The following NRDC variants were observed in gnomAD, a reference collection of about 807,000 sequenced individuals.
NRDC encodes the protein nardilysin.
A neutral mutation model predicts 147.1 loss-of-function variants in NRDC; 54 were observed. That is an observed-to-expected ratio of 0.37 (90% confidence interval 0.29 to 0.46). The LOEUF is 0.46. NRDC is among the 20% of genes least tolerant of loss of function. NRDC has a pLI of 1.00. For synonymous variants in NRDC, 440 were observed against 482.1 expected, an observed-to-expected ratio of 0.91 and a Z score of 1.14; for missense variants, 1,082 against 1,370.6, an observed-to-expected ratio of 0.79 and a Z score of 3.33.
At chr1:51,790,475 C>T in intron 29 of NRDC, 58 bp downstream of exon 29, 2 of 1,022,756 alleles carry the variant, frequency 2.0e-6, no homozygotes, top group Non-Finnish European at 3.1e-6. Context: ...ACCTGTGATG[C>T]CTGTAGAATC....
Position 51,878,726 on chromosome 1 carries a change from C to A in NRDC, c.-111G>T. 1 of 915,282 alleles carries A rather than the reference C, an allele frequency of 1.1e-6. No homozygotes were observed. The highest frequency in any genetic ancestry group is 1.7e-5 in the South Asian group (1 of 59,616). The allele number at this position is 915,282 out of a possible 1,614,324, so 56.7% of individuals were successfully genotyped here. On this transcript the variant is annotated 5_prime_UTR_variant, in exon 1 of 31. It adds an upstream start codon to the 5' untranslated region. Coordinates refer to ENST00000352171, the MANE Select transcript of NRDC (RefSeq NM_001101662.2). ...GCTGCCGCAGCCGCGGGGAACAGGCCTGAACCCCTCCCCCAACCCAGTCTC... is the reference window on the plus strand; with the variant it reads ...GCTGCCGCAGCCGCGGGGAACAGGCATGAACCCCTCCCCCAACCCAGTCTC...
At chr1:51,828,434 T>C (rs1205819827) in intron 4 of NRDC, among the ~76,000 whole-genome samples, 1 of 152,158 alleles carries the variant, frequency 6.6e-6, no homozygotes, top group Admixed American at 6.5e-5. Context: ...CTTTTTTAGT[T>C]CAATGCAAGT....
At chr1:51,846,435 C>T (rs931989604) in intron 1 of NRDC, among the ~76,000 whole-genome samples, 2 of 152,330 alleles carry the variant, frequency 1.3e-5, no homozygotes, top group Admixed American at 6.5e-5. Flanking sequence ...ATTCTTAAAA[C>T]ATTTTCACTC....
intron 1 of NRDC, among the ~76,000 whole-genome samples, chr1:51,840,864 GTATT>G (rs1307325029): frequency 6.6e-6 from 1 of 152,168 alleles, no homozygotes; most frequent in African/African-American, 2.4e-5. Context: ...CAGTTTGTAA[GTATT>G]TAAACATTCT....
At chr1:51,850,123 G>A (rs1228158407) in intron 1 of NRDC, among the ~76,000 whole-genome samples, 1 of 151,678 alleles carries the variant, frequency 6.6e-6, no homozygotes, top group Non-Finnish European at 1.5e-5. Flanking sequence ...GTTGCAGTGA[G>A]CCAAGATTAC....
At chr1:51,836,867 A>G (rs1557920245) in intron 2 of NRDC, among the ~76,000 whole-genome samples, 3 of 152,098 alleles carry the variant, frequency 2.0e-5, no homozygotes, top group Admixed American at 2.0e-4. Context: ...TATTCTCCCA[A>G]TACTTTGGGA....
Position 51,845,596 on chromosome 1 carries a change from AAAAAG to A in NRDC, c.342-5087_342-5083del, listed in dbSNP as rs71063056. Among the ~76,000 whole-genome samples, 295 of 152,162 alleles carry A rather than the reference AAAAAG, an allele frequency of 1.9e-3. 4 individuals are homozygous for A. The highest frequency in any genetic ancestry group is 5.3e-3 in the African/African-American group (220 of 41,492). Reference sequence around the variant, plus strand: ...CGACAGAGCGAGACTCCGTCACAAAAAAAAGAAAAGAAAAGAAAAGAAATGTCCCG... The same window carrying A: ...CGACAGAGCGAGACTCCGTCACAAAAAAAAGAAAAGAAAAGAAATGTCCCG... On this transcript the variant is annotated intron_variant, in intron 1 of 30. Coordinates refer to ENST00000352171, the MANE Select transcript of NRDC (RefSeq NM_001101662.2).
In NRDC at chr1:51,791,645, T is replaced by A. The variant is rs150945886; in HGVS notation, c.2893A>T (p.Thr965Ser). The stretch of plus-strand genomic sequence containing the variant: ...AGAATCCCGGATGTGTTCCTACAGG[T>A]AGGGTAGACATGGTACCTACAAGCC... ...KQTLGYHVYP[T>S]CRNTSGILGF... The change falls in exon 27 of 31, where the codon ACC (threonine) becomes TCC (serine). Residue 965 changes from threonine (T) to serine (S), a missense_variant. By Grantham distance (58) the Thr-to-Ser change is moderately conservative. Coordinates refer to ENST00000352171, the MANE Select transcript of NRDC (RefSeq NM_001101662.2). 5,852 of 1,613,706 alleles carry A rather than the reference T, an allele frequency of 3.6e-3. 14 individuals are homozygous for A. Among genetic ancestry groups the A allele is most frequent in the Non-Finnish European group, 4.0e-3 (4,762 of 1,179,646 alleles).
intron 1 of NRDC, among the ~76,000 whole-genome samples, chr1:51,846,116 ATTT>A (rs57405511): frequency 2.0e-5 from 3 of 146,614 alleles, no homozygotes; most frequent in Admixed American, 2.0e-4. Context: ...ACACTTTATA[ATTT>A]TTTTTTTTTT....
Position 51,810,213 on chromosome 1 carries a change from T to A in NRDC, c.1903+68A>T, listed in dbSNP as rs1056053253. Reference sequence around the variant, plus strand: ...TTCCCCCTCTAGAACCATTAAATTATTAAAGAATAAACATTTCCAGGTAAG... The same window carrying A: ...TTCCCCCTCTAGAACCATTAAATTAATAAAGAATAAACATTTCCAGGTAAG... On this transcript the variant is annotated intron_variant, in intron 16 of 30. Transcript: ENST00000352171. The A allele has an allele frequency of 4.9e-5, 61 of 1,235,088 alleles. 1 individual carries two copies. The Middle Eastern group carries it at 8.5e-4, about 17-fold the overall frequency. 76.5% of individuals were successfully genotyped at this position (1,235,088 alleles called of 1,614,324 possible).
At chr1:51,793,308 C>T (rs955831480) in intron 24 of NRDC, among the ~76,000 whole-genome samples, 1 of 152,194 alleles carries the variant, frequency 6.6e-6, no homozygotes, top group East Asian at 1.9e-4. Context: ...TGTAAGCAGT[C>T]AGAGGCACTG....
intron 1 of NRDC, among the ~76,000 whole-genome samples, chr1:51,850,721 C>T (rs1408627109): frequency 6.6e-6 from 1 of 152,170 alleles, no homozygotes; most frequent in Non-Finnish European, 1.5e-5. Flanking sequence ...TCTGCGGGCA[C>T]ACAGACCTCA....
At chr1:51,853,352 C>T (rs1041393095) in intron 1 of NRDC, among the ~76,000 whole-genome samples, 4 of 152,204 alleles carry the variant, frequency 2.6e-5, no homozygotes, top group Admixed American at 6.5e-5. Flanking sequence ...GATTTTGCCT[C>T]TTGAGAGGAG....
At chr1:51,808,604 ATTTG>A (rs1158457241) in intron 17 of NRDC, among the ~76,000 whole-genome samples, 1 of 152,130 alleles carries the variant, frequency 6.6e-6, no homozygotes, top group Non-Finnish European at 1.5e-5. Context: ...AGGTCCATGT[ATTTG>A]TTTGAGTACC....
chr1:51,819,305 A>G (rs1437631953), intron 9 of NRDC, among the ~76,000 whole-genome samples: 2 of 152,158 alleles, frequency 1.3e-5, no homozygotes, highest in African/African-American at 4.8e-5. Flanking sequence ...CTCCAAAAAA[A>G]AAAAAAAGAA....
intron 4 of NRDC, among the ~76,000 whole-genome samples, chr1:51,828,949 T>TA (rs1427794946): frequency 2.0e-5 from 3 of 152,196 alleles, no homozygotes. Flanking sequence ...AAAAAACTTT[T>TA]AACTTTTGCT....
chr1:51,836,054 T>C (rs1680955632), intron 3 of NRDC, 77 bp downstream of exon 3: 1 of 1,089,586 alleles, frequency 9.2e-7, no homozygotes, highest in African/African-American at 1.6e-5. Context: ...AATCACTTGC[T>C]AATCTTTGAT....
At chr1:51,803,992 C>A (rs749796512) in intron 19 of NRDC, 28 bp from the exon 20 acceptor site, 2 of 1,539,472 alleles carry the variant, frequency 1.3e-6, no homozygotes, top group East Asian at 4.6e-5. Context: ...CAAATGGCAT[C>A]TTTAATTGGT....
At position 51,861,401 on chromosome 1, in the gene NRDC, CTCACTGCAACCTCTGCCTCCCAGGT is replaced by C. The variant is rs534291271; in HGVS notation, c.341+16849_341+16873del. Among the ~76,000 whole-genome samples the C allele has an allele frequency of 5.2e-3, 775 of 148,984 alleles. 8 individuals are homozygous for C. The highest frequency in any genetic ancestry group is 6.1e-3 in the Non-Finnish European group (416 of 67,726). On this transcript the variant is annotated intron_variant, in intron 1 of 30. Transcript: ENST00000352171. Reference sequence around the variant, plus strand: ...CTGGAGTGCAGTGGCACAATCTTGGCTCACTGCAACCTCTGCCTCCCAGGTTCAAGCAATTCTTGTGCCTCAGCTT... The same window carrying C: ...CTGGAGTGCAGTGGCACAATCTTGGCTCAAGCAATTCTTGTGCCTCAGCTT...
Sources: gnomAD v4.1 joint callset for allele counts (sites outside exome capture counted in the v4.1 genomes callset) on GRCh38, gnomAD v4.1.1 for gene constraint, MANE v1.5 for transcripts, NCBI Gene and HGNC (gene_info 2026-07-23, HGNC 2026-07-21) for gene names.